The following TRIM66 variants were observed in gnomAD, a reference collection of about 807,000 sequenced individuals.
TRIM66 encodes the protein tripartite motif-containing protein 66.
Under a neutral mutation model 148.2 loss-of-function variants are expected in TRIM66, and 99 were observed. The ratio of observed to expected loss-of-function variants is 0.67; its 90% confidence interval spans 0.57 to 0.79. The LOEUF (loss-of-function observed/expected upper bound fraction) is 0.79, where lower values mean the gene tolerates loss of function less well. Ranked by LOEUF, TRIM66 falls within the 30% of genes least tolerant of loss-of-function variation. The pLI, the probability that TRIM66 is intolerant of heterozygous loss-of-function variation, is 0.00. For missense variants in TRIM66, 1,666 were observed against 1,697.9 expected (o/e 0.98, Z 0.33); for synonymous variants, 616 against 635.9 (o/e 0.97, Z 0.47).
At chr11:8,659,659 C>G (rs2038112187) in intron 6 of TRIM66, among the ~76,000 whole-genome samples, 1 of 152,140 alleles carries the variant, frequency 6.6e-6, no homozygotes, top group African/African-American at 2.4e-5. Context: ...CTACCAAACC[C>G]AAATCTCTTG....
chr11:8,626,171 G>A (rs773755864), intron 15 of TRIM66, among the ~76,000 whole-genome samples: 4 of 152,086 alleles, frequency 2.6e-5, no homozygotes, highest in Admixed American at 6.6e-5. Context: ...GGAAAAGGAG[G>A]GAGACTGGCT....
intron 15 of TRIM66, among the ~76,000 whole-genome samples, chr11:8,628,117 C>A (rs1387539607): frequency 6.6e-6 from 1 of 151,754 alleles, no homozygotes; most frequent in Non-Finnish European, 1.5e-5. Context: ...CAGGCATGAA[C>A]CACCACGCCC....
intron 3 of TRIM66, among the ~76,000 whole-genome samples, chr11:8,676,225 G>GAATCACCTC: frequency 6.6e-6 from 1 of 151,688 alleles, no homozygotes; most frequent in South Asian, 2.1e-4. Flanking sequence ...ACATTCTTAA[G>GAATCACCTC]GTAAACTTCT....
chr11:8,636,914 C>T (rs1208512698), intron 15 of TRIM66, among the ~76,000 whole-genome samples: 1 of 152,150 alleles, frequency 6.6e-6, no homozygotes, highest in African/African-American at 2.4e-5. Context: ...CAGTGCATCT[C>T]GTGATCCTAT....
At chr11:8,625,732 CA>C (rs2034780412) in intron 15 of TRIM66, among the ~76,000 whole-genome samples, 1 of 152,134 alleles carries the variant, frequency 6.6e-6, no homozygotes, top group Non-Finnish European at 1.5e-5. Flanking sequence ...ACAAAAGTAG[CA>C]GGGGGTTGAG....
At chr11:8,644,169 C>G (rs2036644461) in intron 12 of TRIM66, among the ~76,000 whole-genome samples, 1 of 152,152 alleles carries the variant, frequency 6.6e-6, no homozygotes, top group African/African-American at 2.4e-5. Context: ...GACTTCCCAG[C>G]TTCCTTTCAT....
chr11:8,670,757 A>G (rs956014590), intron 6 of TRIM66, among the ~76,000 whole-genome samples: 19 of 152,220 alleles, frequency 1.2e-4, no homozygotes, highest in Non-Finnish European at 2.2e-4. Flanking sequence ...TATGTTTAAA[A>G]ATCATATATT....
chr11:8,661,031 A>C (rs1440459115), intron 6 of TRIM66, among the ~76,000 whole-genome samples: 3 of 152,218 alleles, frequency 2.0e-5, no homozygotes, highest in East Asian at 1.9e-4. Flanking sequence ...AAGCCTTTAG[A>C]GAGCTAGAAG....
intron 3 of TRIM66, among the ~76,000 whole-genome samples, chr11:8,675,228 T>C (rs763745588): frequency 1.4e-4 from 22 of 152,348 alleles, no homozygotes; most frequent in Middle Eastern, 3.4e-3. Flanking sequence ...CTTTTAAGCA[T>C]TGAGAAGCTG....
In TRIM66 at chr11:8,643,122, A is replaced by G. The variant is rs940025599; in HGVS notation, c.1109T>C (p.Val370Ala). ...VPFLFSKELI[V>A]FQMQRLLETS... ...CTCCAGCAATCGCTGCATCTGAAAC[A>G]CAATCTGACAACAGCACCAAAGGTC... The change falls in exon 13 of 25, where the codon GTG becomes GCG. Residue 370 changes from valine (V) to alanine (A), a missense_variant. Transcript: ENST00000646038. 1 of 1,550,682 alleles carries G rather than the reference A, an allele frequency of 6.4e-7. No homozygotes were observed. Among genetic ancestry groups the G allele is most frequent in the African/African-American group, 1.4e-5 (1 of 73,084 alleles).
intron 1 of TRIM66, among the ~76,000 whole-genome samples, chr11:8,681,375 C>T (rs1033243874): frequency 6.6e-6 from 1 of 151,986 alleles, no homozygotes; most frequent in Admixed American, 6.6e-5. Flanking sequence ...CCTCGTGATC[C>T]GCCCGCCTCG....
intron 1 of TRIM66, among the ~76,000 whole-genome samples, chr11:8,681,226 C>G (rs970855259): frequency 1.3e-5 from 2 of 151,874 alleles, no homozygotes; most frequent in Non-Finnish European, 2.9e-5. Context: ...CTCCGCCTCC[C>G]GGGTTCACGC....
chr11:8,675,047 G>A (rs1204296523), intron 3 of TRIM66, among the ~76,000 whole-genome samples, 164 bp from the exon 4 acceptor site: 1 of 152,180 alleles, frequency 6.6e-6, no homozygotes, highest in Non-Finnish European at 1.5e-5. Flanking sequence ...TGCTGATCTT[G>A]CTCTTTGAAC....
In TRIM66 at chr11:8,628,612, C is replaced by CAA. The variant is rs750649249; in HGVS notation, c.2311-3386_2311-3385dup. Among the ~76,000 whole-genome samples the CAA allele has an allele frequency of 8.9e-3, 718 of 80,516 alleles. 10 individuals carry two copies. Among genetic ancestry groups the CAA allele is most frequent in the African/African-American group, 0.022 (561 of 25,250 alleles). 52.8% of individuals were successfully genotyped at this position (80,516 alleles called of 152,430 possible). ...TAGGCAACAGAGGAAGACCCTGTCT[C>CAA]AAAAAAAAAAAAAAAAAAAAAAAAA... On this transcript the variant is annotated intron_variant, in intron 15 of 24. Coordinates refer to ENST00000646038, the MANE Select transcript of TRIM66 (RefSeq NM_001388022.1).
chr11:8,620,913 G>T, intron 20 of TRIM66, 119 bp downstream of exon 20: 1 of 1,324,506 alleles, frequency 7.5e-7, no homozygotes, highest in Non-Finnish European at 1.0e-6. Context: ...TGCAATTCAA[G>T]CAGGTCCAGA....
intron 15 of TRIM66, among the ~76,000 whole-genome samples, chr11:8,627,682 A>G (rs1390779871): frequency 6.6e-6 from 1 of 152,132 alleles, no homozygotes; most frequent in Non-Finnish European, 1.5e-5. Context: ...GTAGATTTCC[A>G]TTTCTCTTTA....
chr11:8,655,581 G>C (rs961640926), intron 6 of TRIM66, among the ~76,000 whole-genome samples: 38 of 152,080 alleles, frequency 2.5e-4, no homozygotes, highest in African/African-American at 8.9e-4. Context: ...TCAGGAGTTC[G>C]AGACCAGCTT....
chr11:8,628,469 C>T (rs2035063694), intron 15 of TRIM66, among the ~76,000 whole-genome samples: 1 of 151,710 alleles, frequency 6.6e-6, no homozygotes. Flanking sequence ...AAAAATTAGC[C>T]AGGCATGGTG....
chr11:8,622,839 A>G lies in TRIM66; in HGVS notation c.3057T>C (p.Asp1019=). 4.5e-6 allele frequency: 7 copies of G among 1,552,000 alleles called. No homozygotes were observed. Among genetic ancestry groups the G allele is most frequent in the Non-Finnish European group, 5.2e-6 (6 of 1,147,060 alleles). ...ACCTGATGCTCTGGTTCTCTTTTGCATCCAGCTCTAGGGCTCCTTGTTCAA... is the reference window on the plus strand; with the variant it reads ...ACCTGATGCTCTGGTTCTCTTTTGCGTCCAGCTCTAGGGCTCCTTGTTCAA... ...ENFEQGALEL[D]AKENQSIRAF... Residue 1019 remains aspartate, a synonymous_variant, in exon 18 of 25, where the codon GAT becomes GAC. Coordinates refer to ENST00000646038, the MANE Select transcript of TRIM66 (RefSeq NM_001388022.1).
Sources: allele counts gnomAD v4.1 joint callset (sites outside exome capture counted in the v4.1 genomes callset), GRCh38; gene constraint gnomAD v4.1.1; transcripts MANE v1.5; gene names NCBI Gene and HGNC (gene_info 2026-07-23, HGNC 2026-07-21).